The following CAPS2 variants were observed in gnomAD, a reference collection of about 807,000 sequenced individuals.
CAPS2 encodes the protein calcyphosin-2.
A neutral mutation model predicts 86.5 loss-of-function variants in CAPS2; 98 were observed. The ratio of observed to expected loss-of-function variants is 1.13; its 90% confidence interval spans 0.96 to 1.34. CAPS2 has a LOEUF of 1.34. Among genes scored for constraint, CAPS2 ranks in the 40% most tolerant of loss-of-function variants. CAPS2 has a pLI of 0.00. For missense variants in CAPS2, 729 were observed against 686.8 expected, an observed-to-expected ratio of 1.06 and a Z score of -0.69; for synonymous variants, 210 against 225.1, an observed-to-expected ratio of 0.93 and a Z score of 0.60.
chr12:75,348,711 T>A (rs2042610580), intron 1 of CAPS2, among the ~76,000 whole-genome samples: 1 of 152,138 alleles, frequency 6.6e-6, no homozygotes, highest in African/African-American at 2.4e-5. Context: ...ATGGGTCTTG[T>A]GAAAGCATAC....
chr12:75,361,274 T>G (rs1484599352), intron 1 of CAPS2, among the ~76,000 whole-genome samples: 1 of 152,038 alleles, frequency 6.6e-6, no homozygotes, highest in East Asian at 1.9e-4. Flanking sequence ...GAAAACTAAT[T>G]AGGAAAGGGT....
chr12:75,299,229 T>C (rs1196883094), intron 9 of CAPS2, among the ~76,000 whole-genome samples: 3 of 152,188 alleles, frequency 2.0e-5, no homozygotes, highest in Non-Finnish European at 4.4e-5. Flanking sequence ...TAATTCAACA[T>C]AGACTTTTAA....
upstream of CAPS2, among the ~76,000 whole-genome samples, chr12:75,327,885 A>G (rs12369854): frequency 0.29 from 43,409 of 149,504 alleles, 7,844 homozygotes; most frequent in East Asian, 0.45. Context: ...TTATTAAAAT[A>G]TACTTTTATT....
At chr12:75,387,657 GC>G (rs2045361549) in intron 1 of CAPS2, among the ~76,000 whole-genome samples, 2 of 152,142 alleles carry the variant, frequency 1.3e-5, no homozygotes, top group Admixed American at 6.5e-5. Flanking sequence ...ATCTGGTGTG[GC>G]CCTTCTTGCT....
intron 1 of CAPS2, among the ~76,000 whole-genome samples, chr12:75,384,083 C>A (rs570697886): frequency 2.6e-5 from 4 of 151,794 alleles, no homozygotes; most frequent in Non-Finnish European, 4.4e-5. Flanking sequence ...GATCTAAAAT[C>A]GCATATGCTT....
At position 75,388,641 on chromosome 12, in the gene CAPS2, G is replaced by A. The variant is rs988468906; in HGVS notation, c.-395+2197C>T. Among the ~76,000 whole-genome samples, 30 of 152,262 alleles carry A rather than the reference G, an allele frequency of 2.0e-4. No individual in the cohort carries two copies. In the South Asian group the frequency reaches 2.1e-3, roughly 11 times the overall value. The stretch of plus-strand genomic sequence containing the variant: ...AGTAGTTGCCGGGGTTAGGAGGCAG[G>A]GAGAGATGAATAGTCTGAGCACCAG... On this transcript the variant is annotated intron_variant, in intron 1 of 5. Coordinates refer to the CAPS2 transcript ENST00000551829.
At chr12:75,356,197 T>C (rs2043145946) in intron 1 of CAPS2, among the ~76,000 whole-genome samples, 1 of 152,044 alleles carries the variant, frequency 6.6e-6, no homozygotes, top group South Asian at 2.1e-4. Flanking sequence ...GATTTTTCAG[T>C]GGACATAATG....
chr12:75,289,230 C>T (rs1167208015), intron 14 of CAPS2, among the ~76,000 whole-genome samples: 1 of 152,134 alleles, frequency 6.6e-6, no homozygotes, highest in Admixed American at 6.5e-5. Context: ...TTAGATGTAT[C>T]CTCCTCCAGG....
upstream of CAPS2, chr12:75,334,565 C>T: frequency 1.4e-6 from 2 of 1,419,782 alleles, no homozygotes; most frequent in South Asian, 3.2e-5. Flanking sequence ...CCTGTTCTTC[C>T]CCACAGCGAC....
intron 1 of CAPS2, among the ~76,000 whole-genome samples, chr12:75,368,775 A>G (rs1442321495): frequency 6.6e-6 from 1 of 151,860 alleles, no homozygotes; most frequent in Non-Finnish European, 1.5e-5. Context: ...ATTCTGATTA[A>G]TTTTTTAATG....
At chr12:75,370,142 T>C (rs200172257) in intron 1 of CAPS2, 141 of 1,599,538 alleles carry the variant, frequency 8.8e-5, no homozygotes, top group Non-Finnish European at 2.6e-6. Context: ...TTTAATCCAT[T>C]CAGCTTAGGT....
chr12:75,314,103 A>G (rs2039507720), intron 6 of CAPS2, among the ~76,000 whole-genome samples: 3 of 152,078 alleles, frequency 2.0e-5, no homozygotes, highest in African/African-American at 7.2e-5. Context: ...TATTTTTAGT[A>G]GAGACGGGGT....
chr12:75,370,869 GA>G (rs967724308), intron 1 of CAPS2, among the ~76,000 whole-genome samples: 14 of 151,904 alleles, frequency 9.2e-5, no homozygotes, highest in African/African-American at 3.4e-4. Flanking sequence ...TTTTCTGAAG[GA>G]AAAAAACATA....
chr12:75,300,886 C>T (rs1449348446), intron 8 of CAPS2, among the ~76,000 whole-genome samples: 1 of 152,168 alleles, frequency 6.6e-6, no homozygotes, highest in Non-Finnish European at 1.5e-5. Context: ...AAAATAAATC[C>T]TGACTTGTTT....
upstream of CAPS2, among the ~76,000 whole-genome samples, chr12:75,333,230 GTATA>G (rs1307484490): frequency 2.2e-5 from 3 of 133,394 alleles, no homozygotes; most frequent in South Asian, 8.2e-4. Flanking sequence ...CTGTGTAGAT[GTATA>G]TATGTCTATA....
chr12:75,369,179 T>C (rs1343887779), intron 1 of CAPS2, among the ~76,000 whole-genome samples: 1 of 151,978 alleles, frequency 6.6e-6, no homozygotes, highest in African/African-American at 2.4e-5. Flanking sequence ...TACACAAAAT[T>C]ATTTGAGCCT....
chr12:75,291,995 T>C (rs553285591), intron 12 of CAPS2, among the ~76,000 whole-genome samples, 175 bp from the exon 13 acceptor site: 2 of 152,212 alleles, frequency 1.3e-5, no homozygotes, highest in East Asian at 3.9e-4. Flanking sequence ...CCTAAGAAGA[T>C]TAAACTGAGA....
chr12:75,282,306 A>G, exon 16 of CAPS2: 1 of 1,607,838 alleles, frequency 6.2e-7, no homozygotes, highest in Non-Finnish European at 8.5e-7. Flanking sequence ...TGTTTATAAT[A>G]GGCACACTGC....
upstream of CAPS2, among the ~76,000 whole-genome samples, chr12:75,330,808 G>C (rs554482699): frequency 6.6e-6 from 1 of 151,508 alleles, no homozygotes; most frequent in African/African-American, 2.4e-5. Flanking sequence ...TTTTGAGACG[G>C]AGTTTCCTTC....
Sources: allele counts gnomAD v4.1 joint callset (sites outside exome capture counted in the v4.1 genomes callset), GRCh38; gene constraint gnomAD v4.1.1; transcripts MANE v1.5; gene names NCBI Gene and HGNC (gene_info 2026-07-23, HGNC 2026-07-21).